The following MYRF variants were observed in gnomAD, a reference collection of about 807,000 sequenced individuals.
MYRF encodes the protein myelin regulatory factor.
A neutral mutation model predicts 126.3 loss-of-function variants in MYRF; 16 were observed. The ratio of observed to expected loss-of-function variants is 0.13; its 90% CI spans 0.09 to 0.19. MYRF has a LOEUF of 0.19. Ranked by LOEUF, MYRF falls within the 10% of genes least tolerant of loss-of-function variation. MYRF has a pLI of 1.00. For missense variants in MYRF, 1,104 were observed against 1,547.0 expected, an observed-to-expected ratio of 0.71 and a Z score of 4.80; for synonymous variants, 608 against 635.3, an observed-to-expected ratio of 0.96 and a Z score of 0.65.
chr11:61,757,692 G>C lies in MYRF; in HGVS notation c.46+4902G>C. ...GTTCTGTTCTTGCTGCCAGCAAGGA[G>C]GAGGGGCTTGGCTGTATTGTGACTT... is the stretch of plus-strand genomic sequence containing the variant. On this transcript the variant is annotated intron_variant, in intron 1 of 26. Transcript: ENST00000278836. The surrounding 1 kb of genome is among the most constrained non-coding windows in gnomAD (Gnocchi z 4.7). 2.6e-6 allele frequency: 1 copy of C among 388,190 alleles called. No homozygotes were observed. The highest frequency in any genetic ancestry group is 1.9e-5 in the South Asian group (1 of 53,946). 24.0% of individuals were successfully genotyped at this position (388,190 alleles called of 1,614,324 possible).
chr11:61,772,755 G>T (rs1353695760), intron 7 of MYRF, among the ~76,000 whole-genome samples: 2 of 152,264 alleles, frequency 1.3e-5, no homozygotes, highest in African/African-American at 4.8e-5. Context: ...GGCAGCTGCA[G>T]CCCCGGAAGT....
chr11:61,757,972 C>A lies in MYRF; in HGVS notation c.46+5182C>A, dbSNP rs1301205120. ...TGAGGGGTGGCTCCAGCACGGGTGG[C>A]CACGCCAGGTGATGTCCGTGCAGCC... On this transcript the variant is annotated intron_variant, in intron 1 of 26. Transcript: ENST00000278836. The surrounding 1 kb of genome is among the most constrained non-coding windows in gnomAD (Gnocchi z 4.7). Among the ~76,000 whole-genome samples, 4 of 152,160 alleles carry A rather than the reference C, an allele frequency of 2.6e-5. No individual in the cohort carries two copies. The highest frequency in any genetic ancestry group is 5.9e-5 in the Non-Finnish European group (4 of 68,018).
chr11:61,765,143 C>T (rs2135741304), intron 1 of MYRF, among the ~76,000 whole-genome samples: 1 of 152,336 alleles, frequency 6.6e-6, no homozygotes, highest in Non-Finnish European at 1.5e-5. Flanking sequence ...TCTGGACTGA[C>T]CCCTGGAGGA....
Position 61,752,763 on chromosome 11 carries a change from A to T in MYRF, c.19A>T (p.Thr7Ser). 6.7e-7 allele frequency: 1 copy of T among 1,485,154 alleles called. No homozygotes were observed. Among genetic ancestry groups the T allele is most frequent in the Non-Finnish European group, 8.9e-7 (1 of 1,122,790 alleles). The allele number at this position is 1,485,154 out of a possible 1,614,324, so 92.0% of individuals were successfully genotyped here. The change falls in exon 1 of 27, where the codon ACG becomes TCG. Residue 7 changes from threonine (T) to serine (S), a missense_variant. This residue lies in a region of MYRF where 368 missense variants were observed against 403.9 expected (regional missense o/e 0.91). Coordinates refer to ENST00000278836, the MANE Select transcript of MYRF (RefSeq NM_001127392.3). MEVVDETEALQRFFEGH... is the reference protein window; with the variant it reads MEVVDESEALQRFFEGH... ...GCGGGACATGGAGGTGGTGGACGAG[A>T]CGGAGGCGCTGCAGCGCTTCTTCGA...
At chr11:61,762,731 C>T (rs1166273675) in intron 1 of MYRF, among the ~76,000 whole-genome samples, 6 of 152,138 alleles carry the variant, frequency 3.9e-5, no homozygotes, top group Non-Finnish European at 8.8e-5. Flanking sequence ...GACGACGCGG[C>T]CTCCAGGGCT....
intron 16 of MYRF, 82 bp from the exon 17 acceptor site, chr11:61,779,760 T>C: frequency 7.2e-7 from 1 of 1,380,770 alleles, no homozygotes; most frequent in South Asian, 1.3e-5. Context: ...CCTTAACCGC[T>C]CCTCCGACCT....
In MYRF at chr11:61,776,823, A is replaced by G. The variant is rs766273631; in HGVS notation, c.1536A>G (p.Ala512=). ...FMLVVALQAH[A]QNQNYTLAAQ... Reference sequence around the variant, plus strand: ...TGGTGGTGGCCCTCCAGGCTCATGCACAGAACCAGAACTACACGCTGGCCG... The same window carrying G: ...TGGTGGTGGCCCTCCAGGCTCATGCGCAGAACCAGAACTACACGCTGGCCG... The change falls in exon 11 of 27, where the codon GCA becomes GCG. Residue 512 remains alanine (A), a synonymous_variant. Coordinates refer to ENST00000278836, the MANE Select transcript of MYRF (RefSeq NM_001127392.3). This position sits in a 1 kb window ranked among gnomAD's most constrained non-coding sequence, Gnocchi z 4.3. 11 of 1,608,270 alleles carry G rather than the reference A, an allele frequency of 6.8e-6. No individual in the cohort carries two copies. Among genetic ancestry groups the G allele is most frequent in the Non-Finnish European group, 8.5e-6 (10 of 1,177,736 alleles).
intron 1 of MYRF, among the ~76,000 whole-genome samples, chr11:61,764,930 A>T (rs892833075): frequency 6.6e-6 from 1 of 152,194 alleles, no homozygotes; most frequent in Non-Finnish European, 1.5e-5. Flanking sequence ...CCTCTGGAAA[A>T]AGGGGGCTAA....
intron 24 of MYRF, 170 bp from the exon 25 acceptor site, chr11:61,784,110 G>A: frequency 3.1e-6 from 3 of 958,050 alleles, no homozygotes; most frequent in Non-Finnish European, 4.7e-6. Flanking sequence ...CTCATGGGCT[G>A]AGGACCACAT....
chr11:61,776,932 C>T lies in MYRF; in HGVS notation c.1590+55C>T. The T allele has an allele frequency of 7.0e-7, 1 of 1,421,016 alleles. No individual in the cohort carries two copies. The allele number at this position is 1,421,016 out of a possible 1,614,324, so 88.0% of individuals were successfully genotyped here. A position where few individuals can be genotyped will look rare whatever the true frequency, so the allele number is the denominator to read the frequency against. ...CAGCCCTCCCCAGGACTGGGAGAAACAGCAAGCAGAAGTACCCGGGTACTG... is the reference window on the plus strand; with the variant it reads ...CAGCCCTCCCCAGGACTGGGAGAAATAGCAAGCAGAAGTACCCGGGTACTG... On this transcript the variant is annotated intron_variant, in intron 11 of 26. Transcript: ENST00000278836. This position sits in a 1 kb window ranked among gnomAD's most constrained non-coding sequence, Gnocchi z 4.3.
intron 1 of MYRF, among the ~76,000 whole-genome samples, chr11:61,756,258 G>A (rs1217635801): frequency 2.6e-5 from 4 of 152,124 alleles, no homozygotes; most frequent in Non-Finnish European, 2.9e-5. Context: ...GTTAGCCAGA[G>A]TGGACACCTA....
chr11:61,764,069 C>G (rs1046205409), intron 1 of MYRF, among the ~76,000 whole-genome samples: 4 of 152,214 alleles, frequency 2.6e-5, no homozygotes, highest in Non-Finnish European at 4.4e-5. Flanking sequence ...GCCACACCGC[C>G]CTGGACGGCC....
rs746242428 is a variant in MYRF, at chr11:61,771,844, G to A, written c.1007G>A (p.Ser336Asn). Reference sequence around the variant, plus strand: ...CTCCCTCCAGGCCTCCTGCAGGACAGTGACAGCCTCAGTGGCTCCTACCTG... The same window carrying A: ...CTCCCTCCAGGCCTCCTGCAGGACAATGACAGCCTCAGTGGCTCCTACCTG... ...GAPSPGLLQD[S>N]DSLSGSYLDP... Residue 336 changes from serine (S) to asparagine (N), a missense_variant, in exon 7 of 27, where the codon AGT becomes AAT. By Grantham distance (46) the Ser-to-Asn change is conservative (BLOSUM62 1). This residue lies in a region of MYRF where 87 missense variants were observed against 129.2 expected (regional missense o/e 0.67). Transcript: ENST00000278836. 6.2e-7 allele frequency: 1 copy of A among 1,614,156 alleles called. No homozygotes were observed. Among genetic ancestry groups the A allele is most frequent in the Non-Finnish European group, 8.5e-7 (1 of 1,180,014 alleles).
At position 61,779,317 on chromosome 11, in the gene MYRF, G is replaced by C; in HGVS notation, c.2068G>C (p.Asp690His). 6.4e-7 allele frequency: 1 copy of C among 1,550,424 alleles called. No homozygotes were observed. The highest frequency in any genetic ancestry group is 8.7e-7 in the Non-Finnish European group (1 of 1,146,906). Residue 690 changes from aspartate to histidine, a missense_variant, in exon 15 of 27, where the codon GAC (aspartate) becomes CAC (histidine). By Grantham distance (81) the Asp-to-His change is moderately conservative. This residue lies in a region of MYRF where 123 missense variants were observed against 209.1 expected (regional missense o/e 0.59). Coordinates refer to ENST00000278836, the MANE Select transcript of MYRF (RefSeq NM_001127392.3). ...GAVKELCKLT[D>H]NLETRIDELE... ...CGTGAAGGAGCTGTGCAAGCTGACA[G>C]ACAACCTGGAGACGCGCATTGATGA...
Position 61,777,140 on chromosome 11 carries a change from G to T in MYRF, c.1591-124G>T. 1 of 1,048,208 alleles carries T rather than the reference G, an allele frequency of 9.5e-7. No homozygotes were observed. The highest frequency in any genetic ancestry group is 1.5e-5 in the South Asian group (1 of 65,096). The allele number at this position is 1,048,208 out of a possible 1,614,324, so 64.9% of individuals were successfully genotyped here. ...CAGTGGGAGGGACAGTTCAAGTTGGGCTTGGTGCAGTGAGAAACCCTGGCT... is the reference window on the plus strand; with the variant it reads ...CAGTGGGAGGGACAGTTCAAGTTGGTCTTGGTGCAGTGAGAAACCCTGGCT... On this transcript the variant is annotated intron_variant, in intron 11 of 26. Coordinates refer to ENST00000278836, the MANE Select transcript of MYRF (RefSeq NM_001127392.3). This position sits in a 1 kb window ranked among gnomAD's most constrained non-coding sequence, Gnocchi z 8.8.
chr11:61,772,218 C>G (rs967053798), intron 7 of MYRF, among the ~76,000 whole-genome samples: 1 of 152,174 alleles, frequency 6.6e-6, no homozygotes, highest in Non-Finnish European at 1.5e-5. Context: ...TTTTTTCCCC[C>G]GGTTCCTCCT....
intron 1 of MYRF, among the ~76,000 whole-genome samples, chr11:61,755,190 C>T (rs888612528): frequency 2.6e-5 from 4 of 152,180 alleles, no homozygotes; most frequent in Admixed American, 2.6e-4. Context: ...CCTCACCTGA[C>T]GTGGTCCCCC....
intron 1 of MYRF, among the ~76,000 whole-genome samples, chr11:61,761,218 C>T (rs1469638058): frequency 6.7e-6 from 1 of 150,064 alleles, no homozygotes. Flanking sequence ...TCCCCCGTTC[C>T]CCGGGACAAT....
At position 61,779,330 on chromosome 11, in the gene MYRF, C is replaced by T. The variant is rs760054506; in HGVS notation, c.2081C>T (p.Thr694Met). 7.5e-5 allele frequency: 116 copies of T among 1,550,888 alleles called. No homozygotes were observed. Among genetic ancestry groups the T allele is most frequent in the Middle Eastern group, 1.7e-4 (1 of 5,992 alleles). The change falls in exon 15 of 27, where the codon ACG becomes ATG. Residue 694 changes from threonine (T) to methionine (M), a missense_variant. This residue lies in a region of MYRF where 123 missense variants were observed against 209.1 expected (regional missense o/e 0.59). Coordinates refer to ENST00000278836, the MANE Select transcript of MYRF (RefSeq NM_001127392.3). ...TGCAAGCTGACAGACAACCTGGAGA[C>T]GCGCATTGATGAGCTGGAGCGCTGG... is the stretch of plus-strand genomic sequence containing the variant. ...ELCKLTDNLE[T>M]RIDELERWSH...
Sources: allele counts gnomAD v4.1 joint callset (sites outside exome capture counted in the v4.1 genomes callset), GRCh38; gene constraint gnomAD v4.1.1; regional missense constraint gnomAD v4.1.1; non-coding constraint Gnocchi (gnomAD v3.1); transcripts MANE v1.5; gene names NCBI Gene and HGNC (gene_info 2026-07-23, HGNC 2026-07-21).